AZIN2: variants seen among roughly 807,000 people sequenced by gnomAD.
AZIN2 encodes the protein ODC antizyme inhibitor-2.
AZIN2 carries 28 observed loss-of-function variants against 47.8 expected under a neutral mutation model. The ratio of observed to expected loss-of-function variants is 0.59; its 90% CI spans 0.43 to 0.80. AZIN2 has a LOEUF of 0.80. Ranked by LOEUF, AZIN2 falls within the 30% of genes least tolerant of loss-of-function variation. The pLI, the probability that AZIN2 is intolerant of heterozygous loss-of-function variation, is 0.00. For synonymous variants in AZIN2, 221 were observed against 239.4 expected (o/e 0.92, Z 0.71); for missense variants, 535 against 582.5 (o/e 0.92, Z 0.84).
In AZIN2 at chr1:33,122,869, T is replaced by C. The variant is rs186859210; in HGVS notation, c.*2687T>C. 6.6e-6 allele frequency among the ~76,000 whole-genome samples: 1 copy of C among 152,288 alleles called. No homozygotes were observed. Among genetic ancestry groups the C allele is most frequent in the Admixed American group, 6.5e-5 (1 of 15,296 alleles). The stretch of plus-strand genomic sequence containing the variant: ...GATCTGAGCTTCCATCTTCTCATAC[T>C]CAGGACTGGCCCCTTCTTCCCCTTT... On this transcript the variant is annotated 3_prime_UTR_variant, in exon 12 of 12. Transcript: ENST00000294517.
downstream of AZIN2, among the ~76,000 whole-genome samples, chr1:33,127,110 G>A (rs184120474): frequency 6.8e-4 from 103 of 152,302 alleles, 1 homozygote; most frequent in African/African-American, 2.4e-3. Context: ...TATGGGAAGC[G>A]CGCTTGTCTG....
At position 33,115,868 on chromosome 1, in the gene AZIN2, T is replaced by G. The variant is rs1381908505; in HGVS notation, c.1030-2034T>G. On this transcript the variant is annotated intron_variant, in intron 10 of 11. Transcript: ENST00000294517. ...CCAAGGGTGCCTTTTCTCTTTACCATGGAAGAATCTTTAAAATTTATTTTC... is the reference window on the plus strand; with the variant it reads ...CCAAGGGTGCCTTTTCTCTTTACCAGGGAAGAATCTTTAAAATTTATTTTC... 7.2e-5 allele frequency among the ~76,000 whole-genome samples: 11 copies of G among 152,318 alleles called. No individual in the cohort carries two copies. The East Asian group carries it at 2.1e-3, about 29-fold the overall frequency.
At chr1:33,092,764 G>A (rs1642709583) in intron 6 of AZIN2, among the ~76,000 whole-genome samples, 1 of 152,146 alleles carries the variant, frequency 6.6e-6, no homozygotes, top group African/African-American at 2.4e-5. Context: ...GTCGGGGGCG[G>A]GGAGCCGATG....
rs1641367256 is a variant in AZIN2, at chr1:33,082,360, G to A, written c.105+6G>A. 3 of 1,611,608 alleles carry A rather than the reference G, an allele frequency of 1.9e-6. No homozygotes were observed. The Admixed American group carries it at 5.0e-5, about 27-fold the overall frequency. ...GGGCCTCACAGGCCACCACGGTGAG[G>A]GGCTGGGAATGGGGGTGGGTCCCCG... On this transcript the variant is annotated splice_donor_region_variant and intron_variant, in intron 4 of 11. Transcript: ENST00000294517.
At chr1:33,087,716 A>G (rs1463254686) in intron 5 of AZIN2, among the ~76,000 whole-genome samples, 2 of 151,914 alleles carry the variant, frequency 1.3e-5, no homozygotes, top group African/African-American at 4.8e-5. Flanking sequence ...GACTACAGGC[A>G]TGAGCCACCA....
At position 33,094,614 on chromosome 1, in the gene AZIN2, C is replaced by T. The variant is rs537745135; in HGVS notation, c.654C>T (p.Leu218=). Reference sequence around the variant, plus strand: ...CTCAGTCCATCGCAGACGCCCGGCTCGTGTTTGAAATGGGCACCGAGCTGG... The same window carrying T: ...CTCAGTCCATCGCAGACGCCCGGCTTGTGTTTGAAATGGGCACCGAGCTGG... ...AYAQSIADAR[L]VFEMGTELGH... Residue 218 remains leucine, a synonymous_variant, in exon 8 of 12, where the codon CTC becomes CTT. Transcript: ENST00000294517. 125 of 1,614,136 alleles carry T rather than the reference C, an allele frequency of 7.7e-5. 1 individual carries two copies. The highest frequency in any genetic ancestry group is 9.9e-5 in the South Asian group (9 of 91,088).
chr1:33,158,394 T>C, the AZIN2 span: 7 of 1,601,112 alleles, frequency 4.4e-6, 1 homozygote, highest in South Asian at 7.7e-5. Context: ...GAAAGGGGGC[T>C]GCACCAGGGA....
Position 33,094,714 on chromosome 1 carries a change from G to A in AZIN2, c.753+1G>A. 2 of 1,614,048 alleles carry A rather than the reference G, an allele frequency of 1.2e-6. No homozygotes were observed. Among genetic ancestry groups the A allele is most frequent in the Non-Finnish European group, 1.7e-6 (2 of 1,179,928 alleles). ...AGGGGCCAAAGTGAGATTTGAAGAG[G>A]TAACCCTGGAGCTGGGAGTGTCATG... On this transcript the variant is annotated splice_donor_variant, in intron 8 of 11. Coordinates refer to ENST00000294517, the MANE Select transcript of AZIN2 (RefSeq NM_052998.4). LOFTEE classifies it high-confidence loss of function.
intron 10 of AZIN2, among the ~76,000 whole-genome samples, chr1:33,112,987 T>A (rs182968520): frequency 6.6e-5 from 10 of 152,340 alleles, no homozygotes; most frequent in East Asian, 1.9e-4. Context: ...TTATTTATTT[T>A]TTTTGAGACG....
intron 10 of AZIN2, chr1:33,102,014 A>C: frequency 3.1e-6 from 2 of 653,468 alleles, no homozygotes; most frequent in Non-Finnish European, 2.8e-6. Flanking sequence ...CCTCTCTCTG[A>C]TGAGTGAGCA....
At chr1:33,110,807 A>G (rs1644253148) in intron 10 of AZIN2, among the ~76,000 whole-genome samples, 1 of 152,268 alleles carries the variant, frequency 6.6e-6, no homozygotes, top group South Asian at 2.1e-4. Context: ...CACACTAGTA[A>G]TTTGAACAGG....
intron 10 of AZIN2, among the ~76,000 whole-genome samples, chr1:33,100,314 CTG>C (rs1377258957): frequency 6.8e-6 from 1 of 146,832 alleles, no homozygotes; most frequent in East Asian, 2.0e-4. Context: ...GAGTAAGACT[CTG>C]TCTCAAAAAA....
At chr1:33,095,805 A>G (rs1643089968) in intron 8 of AZIN2, among the ~76,000 whole-genome samples, 1 of 152,198 alleles carries the variant, frequency 6.6e-6, no homozygotes, top group South Asian at 2.1e-4. Flanking sequence ...GATATGTATT[A>G]TATACTGTAT....
the AZIN2 span, among the ~76,000 whole-genome samples, chr1:33,149,509 CA>C: frequency 6.6e-6 from 1 of 151,950 alleles, no homozygotes; most frequent in Non-Finnish European, 1.5e-5. Context: ...GGCTGGAGTG[CA>C]GTAGTGTCAT....
the AZIN2 span, chr1:33,146,885 A>AC: frequency 2.3e-6 from 1 of 430,224 alleles, no homozygotes; most frequent in Non-Finnish European, 4.2e-6. Flanking sequence ...CCTGCCCCTG[A>AC]GAAGATGGGG....
Position 33,092,121 on chromosome 1 carries a change from A to G in AZIN2, c.351A>G (p.Gln117=), listed in dbSNP as rs779800435. The G allele has an allele frequency of 5.0e-6, 8 of 1,614,044 alleles. No individual in the cohort carries two copies. In the Admixed American group the frequency reaches 1.3e-4, roughly 27 times the overall value. Reference sequence around the variant, plus strand: ...TCATCTGCGCCAACCCCTGTAAGCAAATTGCACAGATCAAATATGCTGCCA... The same window carrying G: ...TCATCTGCGCCAACCCCTGTAAGCAGATTGCACAGATCAAATATGCTGCCA... ...SKIICANPCK[Q]IAQIKYAAKH... is the part of the protein sequence containing the mutation. The change falls in exon 6 of 12, where the codon CAA becomes CAG. Residue 117 remains glutamine (Q), a synonymous_variant. Transcript: ENST00000294517.
the AZIN2 span, chr1:33,146,013 C>T: frequency 7.9e-4 from 342 of 430,300 alleles, 2 homozygotes; most frequent in Non-Finnish European, 1.4e-3. Flanking sequence ...TGGCACGGAC[C>T]GTGGCAGAGG....
In AZIN2 at chr1:33,123,398, C is replaced by T. The variant is rs995077340; in HGVS notation, c.*3216C>T. On this transcript the variant is annotated 3_prime_UTR_variant, in exon 12 of 12. Transcript: ENST00000294517. ...TTTTTTCACTGCTGTGTCCTTATTA[C>T]CTAGAACGGAGTAGGTGTTCAAAAA... 1.3e-5 allele frequency among the ~76,000 whole-genome samples: 2 copies of T among 152,198 alleles called. No individual in the cohort carries two copies. The highest frequency in any genetic ancestry group is 2.9e-5 in the Non-Finnish European group (2 of 68,034).
chr1:33,157,906 G>A, the AZIN2 span, among the ~76,000 whole-genome samples: 2 of 152,054 alleles, frequency 1.3e-5, no homozygotes, highest in Non-Finnish European at 2.9e-5. Flanking sequence ...ACAGGTGCAC[G>A]CCACCATGCC....
Sources: gnomAD v4.1 joint callset for allele counts (sites outside exome capture counted in the v4.1 genomes callset) on GRCh38, gnomAD v4.1.1 for gene constraint, MANE v1.5 for transcripts, NCBI Gene and HGNC (gene_info 2026-07-23, HGNC 2026-07-21) for gene names.